The following TENM4 variants were observed in gnomAD, a reference collection of about 807,000 sequenced individuals.
The protein encoded by TENM4 is teneurin transmembrane protein 4, also known as teneurin-4.
In TENM4, 82 loss-of-function variants were observed where a neutral mutation model predicts 243.3. That is an observed-to-expected ratio of 0.34 (90% confidence interval 0.28 to 0.40). The LOEUF (loss-of-function observed/expected upper bound fraction) is 0.40, where lower values mean the gene tolerates loss of function less well. TENM4 is among the 10% of genes least tolerant of loss of function. The probability of loss-of-function intolerance (pLI) is 1.00; values close to 1 mark genes in which losing one functional copy is unlikely to be tolerated. For synonymous variants in TENM4, 1,412 were observed against 1,456.3 expected, an observed-to-expected ratio of 0.97 and a Z score of 0.69; for missense variants, 3,138 against 3,673.3, an observed-to-expected ratio of 0.85 and a Z score of 3.77.
At position 78,657,922 on chromosome 11, in the gene TENM4, G is replaced by T; in HGVS notation, c.*136C>A. ...TTTCTTTTCTAAAAAAAAGGATGTT[G>T]CATGAGTTACAATGCAACCAGTATC... On this transcript the variant is annotated 3_prime_UTR_variant, in exon 34 of 34. Coordinates refer to ENST00000278550, the MANE Select transcript of TENM4 (RefSeq NM_001098816.3). The T allele has an allele frequency of 1.5e-6, 2 of 1,349,372 alleles. No homozygotes were observed. Among genetic ancestry groups the T allele is most frequent in the Non-Finnish European group, 1.1e-6 (1 of 950,602 alleles). The allele number at this position is 1,349,372 out of a possible 1,614,324, so 83.6% of individuals were successfully genotyped here.
intron 1 of TENM4, among the ~76,000 whole-genome samples, chr11:79,422,464 C>A (rs1014800656): frequency 6.6e-6 from 1 of 151,950 alleles, no homozygotes; most frequent in African/African-American, 2.4e-5. Context: ...TACCTGTCAC[C>A]TATGTTTAAT....
chr11:78,791,735 T>A (rs1008429570), intron 15 of TENM4, among the ~76,000 whole-genome samples: 1 of 152,222 alleles, frequency 6.6e-6, no homozygotes. Context: ...ATATAATAAA[T>A]ACACACATTT....
intron 1 of TENM4, among the ~76,000 whole-genome samples, chr11:79,350,014 C>T (rs534671404): frequency 7.9e-5 from 12 of 152,308 alleles, no homozygotes; most frequent in Admixed American, 3.9e-4. Context: ...CACCTACTAT[C>T]GCTTACTGTG....
chr11:79,083,551 C>G (rs2137034410), intron 4 of TENM4, among the ~76,000 whole-genome samples: 1 of 152,304 alleles, frequency 6.6e-6, no homozygotes, highest in East Asian at 1.9e-4. Context: ...TAGCAGCCAG[C>G]CCTTGTTTGA....
chr11:78,999,943 G>T (rs945908752), intron 6 of TENM4, among the ~76,000 whole-genome samples: 2 of 152,172 alleles, frequency 1.3e-5, no homozygotes, highest in African/African-American at 4.8e-5. Context: ...CAAGATAAAT[G>T]AGAAGAGATC....
At chr11:79,270,926 C>G (rs1006518485) in intron 2 of TENM4, among the ~76,000 whole-genome samples, 3 of 152,184 alleles carry the variant, frequency 2.0e-5, no homozygotes, top group Non-Finnish European at 4.4e-5. Context: ...TCCTCCCAAC[C>G]AGAAGCAGCT....
At chr11:78,965,769 C>G (rs528933750) in intron 6 of TENM4, among the ~76,000 whole-genome samples, 3 of 152,190 alleles carry the variant, frequency 2.0e-5, no homozygotes, top group Admixed American at 6.5e-5. Context: ...TACAGGAGCC[C>G]GTAACAAGTT....
intron 12 of TENM4, among the ~76,000 whole-genome samples, chr11:78,817,788 T>C (rs1857639864): frequency 6.6e-6 from 1 of 152,242 alleles, no homozygotes; most frequent in African/African-American, 2.4e-5. Context: ...GTCCTGCTAC[T>C]GAGTGGTTGT....
intron 4 of TENM4, among the ~76,000 whole-genome samples, chr11:79,086,765 C>T (rs1860819519): frequency 7.3e-6 from 1 of 136,904 alleles, no homozygotes; most frequent in Admixed American, 8.0e-5. Context: ...ACCTGAAAGG[C>T]GGAGGTTGCA....
chr11:78,822,857 C>CGGGCAGA (rs566036928), intron 12 of TENM4, among the ~76,000 whole-genome samples: 52 of 152,250 alleles, frequency 3.4e-4, no homozygotes, highest in African/African-American at 1.1e-3. Context: ...TGTTCGTGGC[C>CGGGCAGA]GGGCAGAGGG....
At position 78,658,605 on chromosome 11, in the gene TENM4, T is replaced by A. The variant is rs188600631; in HGVS notation, c.7763A>T (p.Asn2588Ile). ...RVTTDIISVANEDGRRVAAIL... is the reference protein window; with the variant it reads ...RVTTDIISVAIEDGRRVAAIL... ...GGCAGCAACCCTTCGCCCATCCTCA[T>A]TGGCCACACTGATGATGTCTGTGGT... The change falls in exon 34 of 34, where the codon AAT becomes ATT. Residue 2588 changes from asparagine (N) to isoleucine (I), a missense_variant. Coordinates refer to ENST00000278550, the MANE Select transcript of TENM4 (RefSeq NM_001098816.3). 25 of 1,613,920 alleles carry A rather than the reference T, an allele frequency of 1.5e-5. No homozygotes were observed. The African/African-American group carries it at 3.1e-4, about 20-fold the overall frequency.
intron 24 of TENM4, among the ~76,000 whole-genome samples, chr11:78,721,118 C>A (rs556239571): frequency 1.3e-5 from 2 of 152,198 alleles, no homozygotes; most frequent in Admixed American, 6.5e-5. Flanking sequence ...TCTGCCGAGG[C>A]GAGCTGATTT....
chr11:78,891,208 C>T (rs1318780929), intron 8 of TENM4, 30 bp downstream of exon 8: 1 of 1,547,354 alleles, frequency 6.5e-7, no homozygotes, highest in African/African-American at 1.4e-5. Context: ...GGAGAGCACA[C>T]ACAGAGAGGA....
intron 3 of TENM4, among the ~76,000 whole-genome samples, chr11:79,162,389 G>T (rs1443661912): frequency 1.3e-5 from 2 of 152,296 alleles, no homozygotes; most frequent in South Asian, 2.1e-4. Context: ...GCTTAGAACA[G>T]AGTTTGACAA....
chr11:79,407,992 C>A (rs1041182547), intron 1 of TENM4, among the ~76,000 whole-genome samples: 4 of 151,636 alleles, frequency 2.6e-5, no homozygotes, highest in African/African-American at 4.8e-5. Flanking sequence ...CAACTTCTGT[C>A]TCCCAGGTTC....
chr11:79,374,904 G>A (rs1223534929), intron 1 of TENM4, among the ~76,000 whole-genome samples: 1 of 152,172 alleles, frequency 6.6e-6, no homozygotes, highest in African/African-American at 2.4e-5. Flanking sequence ...TGGGAGTTCT[G>A]CTTTGGCTGC....
chr11:78,865,920 T>G (rs1231777601), intron 9 of TENM4, among the ~76,000 whole-genome samples: 1 of 152,242 alleles, frequency 6.6e-6, no homozygotes, highest in Admixed American at 6.5e-5. Flanking sequence ...AGGTAATACA[T>G]GGTAAAATGC....
intron 3 of TENM4, among the ~76,000 whole-genome samples, chr11:79,196,710 C>T (rs1350925562): frequency 6.6e-5 from 10 of 152,186 alleles, no homozygotes; most frequent in African/African-American, 1.7e-4. Flanking sequence ...CTCAGTCACA[C>T]TTGTTCTCAG....
At chr11:78,929,397 G>A (rs1205010117) in intron 6 of TENM4, among the ~76,000 whole-genome samples, 2 of 152,188 alleles carry the variant, frequency 1.3e-5, no homozygotes, top group Non-Finnish European at 2.9e-5. Context: ...GAGGGGGAAA[G>A]TTTAATTAAA....
Sources: gnomAD v4.1 joint callset for allele counts (sites outside exome capture counted in the v4.1 genomes callset) on GRCh38, gnomAD v4.1.1 for gene constraint, MANE v1.5 for transcripts, NCBI Gene and HGNC (gene_info 2026-07-23, HGNC 2026-07-21) for gene names.